Variants in CDKN2D observed in about 807,000 individuals in gnomAD.
CDKN2D encodes the protein cyclin-dependent kinase 4 inhibitor D.
A neutral mutation model predicts 4.7 loss-of-function variants in CDKN2D; 3 were observed. That is an observed-to-expected ratio of 0.64 (90% CI 0.29 to 1.66). The LOEUF is 1.66. CDKN2D is among the 40% of genes most tolerant of loss of function. CDKN2D has a pLI of 0.10. For synonymous variants in CDKN2D, 91 were observed against 102.3 expected (o/e 0.89, Z 0.67); for missense variants, 196 against 230.9 (o/e 0.85, Z 0.98).
chr19:10,567,054 CA>C lies in CDKN2D; in HGVS notation c.*3del. ...GTTCTCTTGCTGGAGAGGGTGACCC[CA>C]GATCACAGCGGGGCCACCATGTGGC... On this transcript the variant is annotated 3_prime_UTR_variant, in exon 2 of 2. Transcript: ENST00000393599. 6.2e-7 allele frequency: 1 copy of C among 1,600,904 alleles called. No individual in the cohort carries two copies. Among genetic ancestry groups the C allele is most frequent in the Non-Finnish European group, 8.5e-7 (1 of 1,175,162 alleles).
chr19:10,568,541 A>T lies in CDKN2D; in HGVS notation c.113T>A (p.Leu38His). 1 of 1,482,102 alleles carries T rather than the reference A, an allele frequency of 6.7e-7. No homozygotes were observed. 91.8% of individuals were successfully genotyped at this position (1,482,102 alleles called of 1,614,324 possible). ...CAGCGCCGTCTTGCCGAAGCGGTTG[A>T]GGGCGTCGGGATGCACCAGCTCCCG... is the stretch of plus-strand genomic sequence containing the variant. ...LHRELVHPDALNRFGKTALQV... is the reference protein window; with the variant it reads ...LHRELVHPDAHNRFGKTALQV... The change falls in exon 1 of 2, where the codon CTC becomes CAC. Residue 38 changes from leucine (L) to histidine (H), a missense_variant. Coordinates refer to ENST00000393599, the MANE Select transcript of CDKN2D (RefSeq NM_001800.4).
chr19:10,568,586 T>A lies in CDKN2D; in HGVS notation c.68A>T (p.Glu23Val), dbSNP rs1197258319. 6.6e-7 allele frequency: 1 copy of A among 1,504,994 alleles called. No homozygotes were observed. Among genetic ancestry groups the A allele is most frequent in the Non-Finnish European group, 8.8e-7 (1 of 1,132,760 alleles). 93.2% of individuals were successfully genotyped at this position (1,504,994 alleles called of 1,614,324 possible). Residue 23 changes from glutamate to valine, a missense_variant, in exon 1 of 2, where the codon GAG becomes GTG. Physicochemically the swap from Glu to Val is moderately radical, Grantham distance 121. Coordinates refer to ENST00000393599, the MANE Select transcript of CDKN2D (RefSeq NM_001800.4). ...SGAAARGDVQ[E>V]VRRLLHRELV... is the part of the protein sequence containing the mutation. ...CTCCCGGTGCAGAAGGCGGCGCACC[T>A]CCTGCACGTCGCCCCGGGCCGCCGC...
chr19:10,568,017 T>C (rs1374322898), intron 1 of CDKN2D, among the ~76,000 whole-genome samples: 18 of 152,008 alleles, frequency 1.2e-4, no homozygotes, highest in Admixed American at 9.2e-4. Flanking sequence ...TGTTCCTCCA[T>C]TGGGGCCCCC....
Position 10,566,742 on chromosome 19 carries a change from CTT to C in CDKN2D, c.*314_*315del, listed in dbSNP as rs1225773363. On this transcript the variant is annotated 3_prime_UTR_variant, in exon 2 of 2. Transcript: ENST00000393599. ...CTTCTAGGCTCCCTGGAGGTCATGA[CTT>C]CACTCTTAAATGCTCTGCCCTTGGG... The C allele has an allele frequency of 5.5e-6, 2 of 363,838 alleles. No homozygotes were observed. Among genetic ancestry groups the C allele is most frequent in the Non-Finnish European group, 1.0e-5 (2 of 197,066 alleles). 22.5% of individuals were successfully genotyped at this position (363,838 alleles called of 1,614,324 possible).
chr19:10,567,239 C>T lies in CDKN2D; in HGVS notation c.320G>A (p.Gly107Glu), dbSNP rs954597735. 3.1e-6 allele frequency: 5 copies of T among 1,614,038 alleles called. No homozygotes were observed. The African/African-American group carries it at 6.7e-5, about 22-fold the overall frequency. Reference sequence around the variant, plus strand: ...AACTGCCAGATGGATTGGAAGTGCCCCGGTGCCATCAGGCACGTTGACATC... The same window carrying T: ...AACTGCCAGATGGATTGGAAGTGCCTCGGTGCCATCAGGCACGTTGACATC... ...GADVNVPDGT[G>E]ALPIHLAVQE... The change falls in exon 2 of 2, where the codon GGG becomes GAG. Residue 107 changes from glycine (G) to glutamate (E), a missense_variant. Gly to Glu is a moderately conservative substitution (Grantham distance 98). Coordinates refer to ENST00000393599, the MANE Select transcript of CDKN2D (RefSeq NM_001800.4).
Position 10,566,664 on chromosome 19 carries a change from T to A in CDKN2D, c.*394A>T. ...GGACGCTCCCCCCACCCCCCATGCC[T>A]GAAGCAACGTGCACACTTCAGGTCT... On this transcript the variant is annotated 3_prime_UTR_variant, in exon 2 of 2. Coordinates refer to ENST00000393599, the MANE Select transcript of CDKN2D (RefSeq NM_001800.4). 4.0e-6 allele frequency: 1 copy of A among 251,248 alleles called. No homozygotes were observed. The allele number at this position is 251,248 out of a possible 1,614,324, so 15.6% of individuals were successfully genotyped here. A position where few individuals can be genotyped will look rare whatever the true frequency, so the allele number is the denominator to read the frequency against.
Position 10,566,936 on chromosome 19 carries a change from CAAA to C in CDKN2D, c.*119_*121del. The C allele has an allele frequency of 9.3e-7, 1 of 1,071,450 alleles. No homozygotes were observed. Among genetic ancestry groups the C allele is most frequent in the South Asian group, 1.5e-5 (1 of 64,992 alleles). The allele number at this position is 1,071,450 out of a possible 1,614,324, so 66.4% of individuals were successfully genotyped here. ...CCCCAAAACCAACACCTATAAGCCA[CAAA>C]CTGTGCTCCTCCCCTACTGCAGCAG... On this transcript the variant is annotated 3_prime_UTR_variant, in exon 2 of 2. Coordinates refer to ENST00000393599, the MANE Select transcript of CDKN2D (RefSeq NM_001800.4).
In CDKN2D at chr19:10,566,867, GGAGT is replaced by G. The variant is rs774469934; in HGVS notation, c.*187_*190del. On this transcript the variant is annotated 3_prime_UTR_variant, in exon 2 of 2. Coordinates refer to ENST00000393599, the MANE Select transcript of CDKN2D (RefSeq NM_001800.4). ...CCCTTCTCTGTCCAACACACCAAAA[GGAGT>G]GAGAAAAACAAATGAGAAACGTCCC... 276 of 598,204 alleles carry G rather than the reference GGAGT, an allele frequency of 4.6e-4. 1 individual carries two copies. Among genetic ancestry groups the G allele is most frequent in the Non-Finnish European group, 7.2e-4 (247 of 341,516 alleles). The allele number at this position is 598,204 out of a possible 1,614,324, so 37.1% of individuals were successfully genotyped here. A position where few individuals can be genotyped will look rare whatever the true frequency, so the allele number is the denominator to read the frequency against.
rs1421537336 is a variant in CDKN2D, at chr19:10,568,783, C to G, written c.-130G>C. On this transcript the variant is annotated 5_prime_UTR_variant, in exon 1 of 2. Transcript: ENST00000393599. ...CCGCGGTGCACCCGGCTGCGCTGCT[C>G]TCCCGTCCCGGCTCCCCAGCCCGAG... The G allele has an allele frequency of 1.9e-6, 1 of 537,036 alleles. No homozygotes were observed. The highest frequency in any genetic ancestry group is 4.7e-5 in the Admixed American group (1 of 21,260). The allele number at this position is 537,036 out of a possible 1,614,324, so 33.3% of individuals were successfully genotyped here.
chr19:10,568,535 C>A lies in CDKN2D; in HGVS notation c.119G>T (p.Arg40Leu). ...CACCTGCAGCGCCGTCTTGCCGAAG[C>A]GGTTGAGGGCGTCGGGATGCACCAG... ...RELVHPDALN[R>L]FGKTALQVMM... The change falls in exon 1 of 2, where the codon CGC (arginine) becomes CTC (leucine). Residue 40 changes from arginine (R) to leucine (L), a missense_variant. Coordinates refer to ENST00000393599, the MANE Select transcript of CDKN2D (RefSeq NM_001800.4). The A allele has an allele frequency of 6.8e-7, 1 of 1,461,870 alleles. No homozygotes were observed. The highest frequency in any genetic ancestry group is 1.3e-5 in the South Asian group (1 of 76,750). 90.6% of individuals were successfully genotyped at this position (1,461,870 alleles called of 1,614,324 possible). A position where few individuals can be genotyped will look rare whatever the true frequency, so the allele number is the denominator to read the frequency against.
At position 10,566,727 on chromosome 19, in the gene CDKN2D, C is replaced by T. The variant is rs1916905476; in HGVS notation, c.*331G>A. The T allele has an allele frequency of 2.9e-6, 1 of 346,210 alleles. No individual in the cohort carries two copies. The highest frequency in any genetic ancestry group is 4.5e-5 in the Admixed American group (1 of 22,160). The allele number at this position is 346,210 out of a possible 1,614,324, so 21.4% of individuals were successfully genotyped here. ...GGCCAAGGCCACCAGCTTCTAGGCTCCCTGGAGGTCATGACTTCACTCTTA... is the reference window on the plus strand; with the variant it reads ...GGCCAAGGCCACCAGCTTCTAGGCTTCCTGGAGGTCATGACTTCACTCTTA... On this transcript the variant is annotated 3_prime_UTR_variant, in exon 2 of 2. Coordinates refer to ENST00000393599, the MANE Select transcript of CDKN2D (RefSeq NM_001800.4).
rs1241635187 is a variant in CDKN2D at position 10,568,739 on chromosome 19, C to G, written c.-86G>C. 1.9e-6 allele frequency: 2 copies of G among 1,037,052 alleles called. No individual in the cohort carries two copies. The highest frequency in any genetic ancestry group is 1.2e-6 in the Non-Finnish European group (1 of 811,494). The allele number at this position is 1,037,052 out of a possible 1,614,324, so 64.2% of individuals were successfully genotyped here. A position where few individuals can be genotyped will look rare whatever the true frequency, so the allele number is the denominator to read the frequency against. ...AGCAGCCGGCGGGCGCTGGCCCGAACAGCCCTCCCGGGGCGCGGCCGCGGT... is the reference window on the plus strand; with the variant it reads ...AGCAGCCGGCGGGCGCTGGCCCGAAGAGCCCTCCCGGGGCGCGGCCGCGGT... On this transcript the variant is annotated 5_prime_UTR_variant, in exon 1 of 2. Coordinates refer to ENST00000393599, the MANE Select transcript of CDKN2D (RefSeq NM_001800.4).
chr19:10,568,702 C>T lies in CDKN2D; in HGVS notation c.-49G>A, dbSNP rs1406158374. On this transcript the variant is annotated 5_prime_UTR_variant, in exon 1 of 2. Coordinates refer to ENST00000393599, the MANE Select transcript of CDKN2D (RefSeq NM_001800.4). ...CCCCCCGCCCCGCCCCAGCCCGGCG[C>T]TGTCAGCGCGGAGCAGCCGGCGGGC... The T allele has an allele frequency of 8.5e-6, 11 of 1,295,996 alleles. No homozygotes were observed. Among genetic ancestry groups the T allele is most frequent in the Non-Finnish European group, 1.1e-5 (11 of 1,022,114 alleles). 80.3% of individuals were successfully genotyped at this position (1,295,996 alleles called of 1,614,324 possible).
intron 1 of CDKN2D, 29 bp downstream of exon 1, chr19:10,568,484 C>G: frequency 3.7e-6 from 5 of 1,337,458 alleles, no homozygotes; most frequent in Non-Finnish European, 4.8e-6. Context: ...TTAGCCGCCC[C>G]GCCCCAACCT....
At position 10,568,719 on chromosome 19, in the gene CDKN2D, C is replaced by T; in HGVS notation, c.-66G>A. On this transcript the variant is annotated 5_prime_UTR_variant, in exon 1 of 2. Coordinates refer to ENST00000393599, the MANE Select transcript of CDKN2D (RefSeq NM_001800.4). ...GCCCGGCGCTGTCAGCGCGGAGCAG[C>T]CGGCGGGCGCTGGCCCGAACAGCCC... is the stretch of plus-strand genomic sequence containing the variant. 3 of 1,224,472 alleles carry T rather than the reference C, an allele frequency of 2.5e-6. No homozygotes were observed. Among genetic ancestry groups the T allele is most frequent in the Non-Finnish European group, 1.0e-6 (1 of 967,044 alleles). 75.9% of individuals were successfully genotyped at this position (1,224,472 alleles called of 1,614,324 possible).
At position 10,568,506 on chromosome 19, in the gene CDKN2D, G is replaced by A; in HGVS notation, c.141+7C>T. On this transcript the variant is annotated splice_region_variant and intron_variant, in intron 1 of 1. Coordinates refer to ENST00000393599, the MANE Select transcript of CDKN2D (RefSeq NM_001800.4). ...CCCCGCCCCAACCTGGACCGGCCCGGCCTCACCTGCAGCGCCGTCTTGCCG... is the reference window on the plus strand; with the variant it reads ...CCCCGCCCCAACCTGGACCGGCCCGACCTCACCTGCAGCGCCGTCTTGCCG... 2.1e-6 allele frequency: 3 copies of A among 1,411,142 alleles called. No homozygotes were observed. The highest frequency in any genetic ancestry group is 2.6e-5 in the Admixed American group (1 of 38,084). The allele number at this position is 1,411,142 out of a possible 1,614,324, so 87.4% of individuals were successfully genotyped here. A position where few individuals can be genotyped will look rare whatever the true frequency, so the allele number is the denominator to read the frequency against.
chr19:10,568,504 C>A lies in CDKN2D; in HGVS notation c.141+9G>T. On this transcript the variant is annotated intron_variant, in intron 1 of 1. Coordinates refer to ENST00000393599, the MANE Select transcript of CDKN2D (RefSeq NM_001800.4). The stretch of plus-strand genomic sequence containing the variant: ...CGCCCCGCCCCAACCTGGACCGGCC[C>A]GGCCTCACCTGCAGCGCCGTCTTGC... 2 of 1,404,812 alleles carry A rather than the reference C, an allele frequency of 1.4e-6. No homozygotes were observed. The highest frequency in any genetic ancestry group is 2.8e-5 in the East Asian group (1 of 35,296). 87.0% of individuals were successfully genotyped at this position (1,404,812 alleles called of 1,614,324 possible). A position where few individuals can be genotyped will look rare whatever the true frequency, so the allele number is the denominator to read the frequency against.
In CDKN2D at chr19:10,567,216, C is replaced by A. The variant is rs1916920542; in HGVS notation, c.343G>T (p.Val115Phe). Reference protein sequence around the residue: ...GTGALPIHLAVQEGHTAVVSF... With the variant: ...GTGALPIHLAFQEGHTAVVSF... ...ACCACAGCAGTGTGACCCTCTTGAA[C>A]TGCCAGATGGATTGGAAGTGCCCCG... Residue 115 changes from valine (V) to phenylalanine (F), a missense_variant, in exon 2 of 2, where the codon GTT (valine) becomes TTT (phenylalanine). Val to Phe is a conservative substitution (Grantham distance 50). Transcript: ENST00000393599. The A allele has an allele frequency of 6.2e-7, 1 of 1,614,098 alleles. No homozygotes were observed. The highest frequency in any genetic ancestry group is 1.3e-5 in the African/African-American group (1 of 74,942).
Position 10,568,958 on chromosome 19 carries a change from CTCGCCGGGCGGGG to C in CDKN2D, c.-318_-306del, listed in dbSNP as rs1369902721. The C allele has an allele frequency of 2.1e-5, 4 of 194,580 alleles. No individual in the cohort carries two copies. The highest frequency in any genetic ancestry group is 4.2e-5 in the Non-Finnish European group (4 of 94,260). The allele number at this position is 194,580 out of a possible 1,614,324, so 12.1% of individuals were successfully genotyped here. On this transcript the variant is annotated 5_prime_UTR_variant, in exon 1 of 2. Transcript: ENST00000393599. ...TCCCCCTAACTCACCCTCCCTCCTC[CTCGCCGGGCGGGG>C]TCTGCTCTGAGCCTGCGCCGCCGCC... is the stretch of plus-strand genomic sequence containing the variant.
Sources: gnomAD v4.1 joint callset for allele counts (sites outside exome capture counted in the v4.1 genomes callset) on GRCh38, gnomAD v4.1.1 for gene constraint, MANE v1.5 for transcripts, NCBI Gene and HGNC (gene_info 2026-07-23, HGNC 2026-07-21) for gene names.